PPP1R13L: variants seen among roughly 807,000 people sequenced by gnomAD.
PPP1R13L encodes the protein relA-associated inhibitor.
Under a neutral mutation model 80.9 loss-of-function variants are expected in PPP1R13L, and 50 were observed. The ratio of observed to expected loss-of-function variants is 0.62; its 90% CI spans 0.49 to 0.78. The LOEUF is 0.78. PPP1R13L is among the 30% of genes least tolerant of loss of function. The pLI, the probability that PPP1R13L is intolerant of heterozygous loss-of-function variation, is 0.00. For synonymous variants in PPP1R13L, 602 were observed against 534.3 expected (o/e 1.13, Z -1.75); for missense variants, 1,200 against 1,205.9 (o/e 1.00, Z 0.07).
At position 45,380,093 on chromosome 19, in the gene PPP1R13L, G is replaced by A; in HGVS notation, c.*97C>T. On this transcript the variant is annotated 3_prime_UTR_variant, in exon 13 of 13. Transcript: ENST00000360957. ...GCAAGGACCACCACCAGCAGGGTGA[G>A]GGGTGCAGATAAAGGCAGCAAAAAA... 7.4e-7 allele frequency: 1 copy of A among 1,355,622 alleles called. No homozygotes were observed. The highest frequency in any genetic ancestry group is 1.2e-5 in the South Asian group (1 of 82,560). The allele number at this position is 1,355,622 out of a possible 1,614,324, so 84.0% of individuals were successfully genotyped here.
At chr19:45,399,364 C>T (rs1973183041) in intron 1 of PPP1R13L, among the ~76,000 whole-genome samples, 1 of 150,948 alleles carries the variant, frequency 6.6e-6, no homozygotes. Flanking sequence ...GTGGCTCACG[C>T]CTGTAATTCC....
At position 45,389,530 on chromosome 19, in the gene PPP1R13L, C is replaced by T. The variant is rs749882236; in HGVS notation, c.1815+2350G>A. Among the ~76,000 whole-genome samples the T allele has an allele frequency of 7.2e-5, 11 of 152,228 alleles. No individual in the cohort carries two copies. The South Asian group carries it at 8.3e-4, about 11-fold the overall frequency. Reference sequence around the variant, plus strand: ...ACTACATTAATGTATTTAATCTTGGCGGGGTGTGGTGGCTCACACCTGTAA... The same window carrying T: ...ACTACATTAATGTATTTAATCTTGGTGGGGTGTGGTGGCTCACACCTGTAA... On this transcript the variant is annotated intron_variant, in intron 8 of 12. Coordinates refer to ENST00000360957, the MANE Select transcript of PPP1R13L (RefSeq NM_006663.4).
At position 45,398,277 on chromosome 19, in the gene PPP1R13L, G is replaced by C; in HGVS notation, c.42C>G (p.Asp14Glu). 1.2e-6 allele frequency: 2 copies of C among 1,613,934 alleles called. No individual in the cohort carries two copies. Among genetic ancestry groups the C allele is most frequent in the Non-Finnish European group, 8.5e-7 (1 of 1,179,922 alleles). ...ACTCCAGCTTACACTGGAAGTTCATGTCCAGAAAGTCCCGCGCGCTCTGGA... is the reference window on the plus strand; with the variant it reads ...ACTCCAGCTTACACTGGAAGTTCATCTCCAGAAAGTCCCGCGCGCTCTGGA... Reference protein sequence around the residue: ...EAFQSARDFLDMNFQSLAMKH... With the variant: ...EAFQSARDFLEMNFQSLAMKH... The change falls in exon 2 of 13, where the codon GAC becomes GAG. Residue 14 changes from aspartate (D) to glutamate (E), a missense_variant. Physicochemically the swap from Asp to Glu is conservative, Grantham distance 45. This residue lies in a region of PPP1R13L where 764 missense variants were observed against 714.5 expected (regional missense o/e 1.07). Transcript: ENST00000360957.
chr19:45,404,757 C>A (rs950887371), intron 1 of PPP1R13L, among the ~76,000 whole-genome samples: 2 of 152,152 alleles, frequency 1.3e-5, no homozygotes, highest in Non-Finnish European at 2.9e-5. Context: ...TCAGGAATTC[C>A]AGCTCCAACG....
intron 1 of PPP1R13L, among the ~76,000 whole-genome samples, chr19:45,402,556 C>T (rs965547997): frequency 5.3e-5 from 8 of 151,260 alleles, no homozygotes; most frequent in African/African-American, 1.9e-4. Flanking sequence ...AGCTCAGGCC[C>T]GGGGAATGCG....
At chr19:45,399,792 T>C (rs1257935755) in intron 1 of PPP1R13L, among the ~76,000 whole-genome samples, 1 of 151,094 alleles carries the variant, frequency 6.6e-6, no homozygotes, top group Non-Finnish European at 1.5e-5. Context: ...TACAAAAAAA[T>C]ACAAAAGTTA....
At chr19:45,401,330 C>T (rs181340200) in intron 1 of PPP1R13L, among the ~76,000 whole-genome samples, 1 of 142,796 alleles carries the variant, frequency 7.0e-6, no homozygotes, top group Non-Finnish European at 1.5e-5. Flanking sequence ...ACTCCAGCCT[C>T]GGAGACAGAG....
At chr19:45,390,920 AG>A (rs757034413) in intron 8 of PPP1R13L, among the ~76,000 whole-genome samples, 59 of 152,100 alleles carry the variant, frequency 3.9e-4, no homozygotes, top group Non-Finnish European at 7.5e-4. Context: ...GAGCAAAGCC[AG>A]GAACAGTGGC....
Position 45,385,940 on chromosome 19 carries a change from C to T in PPP1R13L, c.1965G>A (p.Gln655=). ...QAVKEMNDPS[Q]PNEEGITALH... ...AGGCAGTGATGCCCTCCTCGTTGGG[C>T]TGGCTCGGGTCGTTCATCTGAGTGC... The change falls in exon 10 of 13, where the codon CAG becomes CAA. Residue 655 remains glutamine (Q), a synonymous_variant. Transcript: ENST00000360957. 1.9e-6 allele frequency: 3 copies of T among 1,612,030 alleles called. No individual in the cohort carries two copies. Among genetic ancestry groups the T allele is most frequent in the Non-Finnish European group, 2.5e-6 (3 of 1,179,328 alleles).
intron 1 of PPP1R13L, among the ~76,000 whole-genome samples, chr19:45,401,753 G>T (rs1362844671): frequency 6.6e-6 from 1 of 152,006 alleles, no homozygotes; most frequent in Non-Finnish European, 1.5e-5. Flanking sequence ...AAGTCTAGAT[G>T]GATGGTATAG....
intron 3 of PPP1R13L, 47 bp downstream of exon 3, chr19:45,397,958 T>G: frequency 1.3e-6 from 2 of 1,579,900 alleles, no homozygotes; most frequent in Non-Finnish European, 1.7e-6. Context: ...TGGTCTGGAC[T>G]GTGGCGAGAG....
chr19:45,391,245 CAGAGACAG>C (rs1473345673), intron 8 of PPP1R13L, among the ~76,000 whole-genome samples: 11 of 151,730 alleles, frequency 7.2e-5, no homozygotes, highest in African/African-American at 2.4e-4. Context: ...ACAAGAGACA[CAGAGACAG>C]AGAGGGAGAG....
chr19:45,405,154 G>T (rs1973308248), upstream of PPP1R13L: 6 of 528,958 alleles, frequency 1.1e-5, no homozygotes, highest in South Asian at 3.3e-4. Context: ...AGCCAAGGTC[G>T]CCTCGAGCAC....
intron 8 of PPP1R13L, among the ~76,000 whole-genome samples, chr19:45,387,166 G>T (rs1188279558): frequency 6.6e-6 from 1 of 151,960 alleles, no homozygotes; most frequent in African/African-American, 2.4e-5. Context: ...TACTTGGGAG[G>T]CTGAGGCAGG....
At chr19:45,385,453 T>G in intron 11 of PPP1R13L, 109 bp downstream of exon 11, 1 of 1,256,786 alleles carries the variant, frequency 8.0e-7, no homozygotes, top group Non-Finnish European at 1.1e-6. Flanking sequence ...TCCTGCCAAG[T>G]GGTTGGTACA....
chr19:45,400,444 C>T (rs1973208356), intron 1 of PPP1R13L, among the ~76,000 whole-genome samples: 1 of 151,804 alleles, frequency 6.6e-6, no homozygotes, highest in African/African-American at 2.4e-5. Context: ...CAGGCTGGGG[C>T]ATGCTGATAC....
intron 1 of PPP1R13L, among the ~76,000 whole-genome samples, chr19:45,399,431 T>G (rs1209939361): frequency 6.8e-6 from 1 of 146,652 alleles, no homozygotes; most frequent in East Asian, 2.2e-4. Context: ...GAGACCATCC[T>G]GGCTAACATG....
intron 8 of PPP1R13L, among the ~76,000 whole-genome samples, chr19:45,391,054 C>T (rs978057358): frequency 6.6e-6 from 1 of 151,918 alleles, no homozygotes; most frequent in Non-Finnish European, 1.5e-5. Context: ...AAAAATTAGC[C>T]AGGAGTGGTG....
In PPP1R13L at chr19:45,396,509, C is replaced by T; in HGVS notation, c.712+36G>A. The T allele has an allele frequency of 4.4e-6, 7 of 1,602,804 alleles. No homozygotes were observed. The highest frequency in any genetic ancestry group is 3.3e-5 in the South Asian group (3 of 90,574). ...CCGGATCCTGCCCGCTTTGACCCCG[C>T]GAGTCAAAGGCCCCGCGAGGGGCCC... is the stretch of plus-strand genomic sequence containing the variant. On this transcript the variant is annotated intron_variant, in intron 4 of 12. Transcript: ENST00000360957. The surrounding 1 kb of genome is among the most constrained non-coding windows in gnomAD (Gnocchi z 5.3).
Sources: gnomAD v4.1 joint callset for allele counts (sites outside exome capture counted in the v4.1 genomes callset) on GRCh38, gnomAD v4.1.1 for gene constraint, gnomAD v4.1.1 regional missense constraint, Gnocchi (gnomAD v3.1) non-coding constraint, MANE v1.5 for transcripts, NCBI Gene and HGNC (gene_info 2026-07-23, HGNC 2026-07-21) for gene names.